The following CTNNA3 variants were observed in gnomAD, a reference collection of about 807,000 sequenced individuals.
CTNNA3 encodes the protein catenin alpha 3.
In CTNNA3, 76 loss-of-function variants were observed where a neutral mutation model predicts 95.7. That is an observed-to-expected ratio of 0.79 (90% CI 0.66 to 0.96). The LOEUF is 0.96. Ranked by LOEUF, CTNNA3 falls within the 40% of genes least tolerant of loss-of-function variation. The pLI is 0.00. For missense variants in CTNNA3, 1,191 were observed against 1,089.8 expected (o/e 1.09, Z -1.31); for synonymous variants, 431 against 374.4 (o/e 1.15, Z -1.74).
At chr10:66,647,808 C>T (rs944214620) in intron 9 of CTNNA3, among the ~76,000 whole-genome samples, 5 of 151,842 alleles carry the variant, frequency 3.3e-5, no homozygotes, top group Admixed American at 1.3e-4. Context: ...CGTGAGCCAC[C>T]GTGCCCAGCC....
intron 7 of CTNNA3, among the ~76,000 whole-genome samples, chr10:66,985,149 C>T (rs1850656550): frequency 6.6e-6 from 1 of 152,148 alleles, no homozygotes; most frequent in African/African-American, 2.4e-5. Context: ...TACTTCACCA[C>T]AAAGGTATTT....
At chr10:66,118,022 T>C (rs1361477147) in intron 13 of CTNNA3, among the ~76,000 whole-genome samples, 7 of 152,172 alleles carry the variant, frequency 4.6e-5, no homozygotes, top group African/African-American at 1.7e-4. Context: ...TTTGATTATG[T>C]CTGACTGAAT....
At chr10:67,511,542 A>G (rs1358185953) in intron 5 of CTNNA3, among the ~76,000 whole-genome samples, 1 of 152,174 alleles carries the variant, frequency 6.6e-6, no homozygotes, top group African/African-American at 2.4e-5. Context: ...CCAGGGATGA[A>G]GCCTACTTGA....
intron 7 of CTNNA3, among the ~76,000 whole-genome samples, chr10:67,167,777 C>T (rs1463714878): frequency 6.6e-6 from 1 of 152,112 alleles, no homozygotes; most frequent in Non-Finnish European, 1.5e-5. Context: ...TATCCCTGAC[C>T]TAAGTATTCT....
intron 13 of CTNNA3, among the ~76,000 whole-genome samples, chr10:66,221,140 A>G (rs766420020): frequency 4.6e-5 from 7 of 152,170 alleles, no homozygotes; most frequent in Non-Finnish European, 1.0e-4. Context: ...ATATGAATTC[A>G]TTTGGCCAGT....
chr10:66,641,274 T>G (rs568072546), intron 9 of CTNNA3, among the ~76,000 whole-genome samples: 1 of 152,292 alleles, frequency 6.6e-6, no homozygotes, highest in South Asian at 2.1e-4. Context: ...ATATAGCCAA[T>G]GAAGCCACCA....
intron 12 of CTNNA3, among the ~76,000 whole-genome samples, chr10:66,353,785 G>GT (rs2092585386): frequency 6.6e-6 from 1 of 151,946 alleles, no homozygotes; most frequent in Non-Finnish European, 1.5e-5. Flanking sequence ...GATAGTTTTT[G>GT]TAACAGGGGA....
chr10:66,651,840 C>A (rs1845917589), intron 9 of CTNNA3, among the ~76,000 whole-genome samples: 1 of 95,996 alleles, frequency 1.0e-5, no homozygotes, highest in South Asian at 3.7e-4. Context: ...CACCTCCCCA[C>A]AAGGAAAGGG....
At chr10:66,480,883 G>A (rs570837401) in intron 11 of CTNNA3, among the ~76,000 whole-genome samples, 17 of 152,122 alleles carry the variant, frequency 1.1e-4, no homozygotes, top group East Asian at 7.7e-4. Context: ...GATTACAGGC[G>A]TGAGCCACCA....
At chr10:67,755,314 TA>T (rs1313356365) in intron 1 of CTNNA3, among the ~76,000 whole-genome samples, 1 of 152,000 alleles carries the variant, frequency 6.6e-6, no homozygotes, top group Non-Finnish European at 1.5e-5. Context: ...CACCCCAGTT[TA>T]AATTGTTCTT....
chr10:67,346,001 T>C (rs1459647619), intron 5 of CTNNA3, among the ~76,000 whole-genome samples: 2 of 152,142 alleles, frequency 1.3e-5, no homozygotes, highest in East Asian at 1.9e-4. Context: ...ATCCATTGTA[T>C]ATTTTTGGTT....
chr10:67,149,199 TCTA>T (rs1253292258), intron 7 of CTNNA3, among the ~76,000 whole-genome samples: 1 of 152,086 alleles, frequency 6.6e-6, no homozygotes, highest in Non-Finnish European at 1.5e-5. Flanking sequence ...ACATCACTCA[TCTA>T]CTACTACTAC....
chr10:67,403,761 G>A (rs1378124506), intron 5 of CTNNA3, among the ~76,000 whole-genome samples: 3 of 152,210 alleles, frequency 2.0e-5, no homozygotes, highest in Non-Finnish European at 4.4e-5. Context: ...TCCTGACTAG[G>A]TGAGACCTCC....
intron 13 of CTNNA3, among the ~76,000 whole-genome samples, chr10:66,111,873 G>A (rs1225887358): frequency 1.3e-5 from 2 of 151,498 alleles, no homozygotes; most frequent in Non-Finnish European, 3.0e-5. Flanking sequence ...TTTTTTGTTA[G>A]GCCAATCTCA....
chr10:67,523,270 T>G (rs1350047469), intron 4 of CTNNA3, among the ~76,000 whole-genome samples: 1 of 152,196 alleles, frequency 6.6e-6, no homozygotes, highest in Non-Finnish European at 1.5e-5. Context: ...AGACATTTCC[T>G]GCCCTGAAGG....
At chr10:67,475,551 G>T (rs937327813) in intron 5 of CTNNA3, among the ~76,000 whole-genome samples, 1 of 152,114 alleles carries the variant, frequency 6.6e-6, no homozygotes, top group African/African-American at 2.4e-5. Context: ...TATCCCTATA[G>T]TACTTCAGTG....
intron 4 of CTNNA3, among the ~76,000 whole-genome samples, chr10:67,534,587 C>T (rs1441408567): frequency 6.6e-6 from 1 of 152,094 alleles, no homozygotes; most frequent in African/African-American, 2.4e-5. Flanking sequence ...ATAGATATCC[C>T]TCCCTTCCGT....
intron 5 of CTNNA3, among the ~76,000 whole-genome samples, chr10:67,345,935 TG>T (rs1335916552): frequency 1.3e-5 from 2 of 152,160 alleles, no homozygotes; most frequent in Non-Finnish European, 2.9e-5. Context: ...TCCCTTTGAA[TG>T]AAGGTGTTTT....
intron 1 of CTNNA3, among the ~76,000 whole-genome samples, chr10:67,758,752 C>T (rs1841447412): frequency 8.3e-6 from 1 of 119,866 alleles, no homozygotes; most frequent in Non-Finnish European, 1.8e-5. Context: ...CTTATTCTGC[C>T]CTTCGACATC....
Sources: gnomAD v4.1 joint callset for allele counts (sites outside exome capture counted in the v4.1 genomes callset) on GRCh38, gnomAD v4.1.1 for gene constraint, MANE v1.5 for transcripts, NCBI Gene and HGNC (gene_info 2026-07-23, HGNC 2026-07-21) for gene names.